The following PTPRD variants were observed in gnomAD, a reference collection of about 807,000 sequenced individuals.
The protein encoded by PTPRD is receptor-type tyrosine-protein phosphatase delta.
PTPRD carries 34 observed loss-of-function variants against 214.5 expected under a neutral mutation model. That is an observed-to-expected ratio of 0.16 (90% CI 0.12 to 0.21). The LOEUF (loss-of-function observed/expected upper bound fraction) is 0.21, where lower values mean the gene tolerates loss of function less well. Ranked by LOEUF, PTPRD falls within the 10% of genes least tolerant of loss-of-function variation. The pLI is 1.00. For synonymous variants in PTPRD, 1,128 were observed against 845.7 expected, an observed-to-expected ratio of 1.33 and a Z score of -5.79; for missense variants, 2,545 against 2,398.7, an observed-to-expected ratio of 1.06 and a Z score of -1.27.
At chr9:9,985,109 A>G (rs1256548893) in intron 4 of PTPRD, among the ~76,000 whole-genome samples, 2 of 152,218 alleles carry the variant, frequency 1.3e-5, no homozygotes, top group Non-Finnish European at 2.9e-5. Flanking sequence ...ATCATGAAAT[A>G]ACACTTATGC....
intron 7 of PTPRD, among the ~76,000 whole-genome samples, chr9:9,665,925 A>T (rs1173706837): frequency 6.6e-6 from 1 of 151,922 alleles, no homozygotes; most frequent in East Asian, 1.9e-4. Context: ...TGAATAACCA[A>T]AGAATGTATA....
intron 2 of PTPRD, among the ~76,000 whole-genome samples, chr9:10,346,983 G>A (rs957671062): frequency 6.6e-6 from 1 of 152,064 alleles, no homozygotes; most frequent in Non-Finnish European, 1.5e-5. Context: ...TAAACCAAAT[G>A]TTTAAATACT....
At chr9:9,472,189 C>CTTTTTTTT (rs1220396472) in intron 8 of PTPRD, among the ~76,000 whole-genome samples, 1 of 82,826 alleles carries the variant, frequency 1.2e-5, no homozygotes, top group Non-Finnish European at 2.5e-5. Flanking sequence ...CTACTCCAAT[C>CTTTTTTTT]TTTTTTTTTT....
chr9:8,912,719 A>T (rs529054587), intron 11 of PTPRD, among the ~76,000 whole-genome samples: 30 of 152,330 alleles, frequency 2.0e-4, no homozygotes, highest in East Asian at 3.9e-4. Flanking sequence ...ATAATTTTTT[A>T]AAAAATATAT....
At chr9:9,101,982 CT>C (rs1204451328) in intron 10 of PTPRD, among the ~76,000 whole-genome samples, 1 of 152,102 alleles carries the variant, frequency 6.6e-6, no homozygotes, top group African/African-American at 2.4e-5. Context: ...ACACACACAA[CT>C]TTTTTGGGGC....
In PTPRD at chr9:10,124,080, G is replaced by A. The variant is rs996739543; in HGVS notation, c.-544-90290C>T. Among the ~76,000 whole-genome samples the A allele has an allele frequency of 4.6e-5, 7 of 152,308 alleles. No homozygotes were observed. In the South Asian group the frequency reaches 1.0e-3, roughly 23 times the overall value. Reference sequence around the variant, plus strand: ...TTGAAATGCACCCAAGCTGCATTTAGAGAACTGGCCAGACTTAACTTGAAA... The same window carrying A: ...TTGAAATGCACCCAAGCTGCATTTAAAGAACTGGCCAGACTTAACTTGAAA... On this transcript the variant is annotated intron_variant, in intron 3 of 45. Coordinates refer to ENST00000381196, the MANE Select transcript of PTPRD (RefSeq NM_002839.4).
chr9:9,347,354 G>A (rs528927211), intron 9 of PTPRD, among the ~76,000 whole-genome samples: 10 of 150,318 alleles, frequency 6.7e-5, no homozygotes, highest in African/African-American at 2.4e-4. Context: ...CTATATGCAT[G>A]CATACATATA....
chr9:9,814,229 C>G lies in PTPRD; in HGVS notation c.-367-47378G>C, dbSNP rs2048033495. ...AAGTTGAAAGGTTTTCTTTTAAGAT[C>G]GGGACCAAGACAAATGTGTCTCTCT... On this transcript the variant is annotated intron_variant, in intron 5 of 45. Coordinates refer to ENST00000381196, the MANE Select transcript of PTPRD (RefSeq NM_002839.4). Among the ~76,000 whole-genome samples the G allele has an allele frequency of 2.6e-5, 4 of 151,252 alleles. No individual in the cohort carries two copies. In the South Asian group the frequency reaches 8.3e-4, roughly 32 times the overall value.
intron 3 of PTPRD, among the ~76,000 whole-genome samples, chr9:10,217,363 C>G (rs1400867221): frequency 1.3e-5 from 2 of 151,618 alleles, no homozygotes; most frequent in Admixed American, 1.3e-4. Context: ...AATTAGAAAC[C>G]CAACTCAGCC....
At chr9:10,603,259 G>A (rs892992713) in intron 2 of PTPRD, among the ~76,000 whole-genome samples, 1 of 151,784 alleles carries the variant, frequency 6.6e-6, no homozygotes, top group Non-Finnish European at 1.5e-5. Flanking sequence ...TTTGTGCCAC[G>A]CTTAACTCTC....
At chr9:10,109,037 G>C (rs920364476) in intron 3 of PTPRD, among the ~76,000 whole-genome samples, 1 of 152,028 alleles carries the variant, frequency 6.6e-6, no homozygotes, top group Non-Finnish European at 1.5e-5. Context: ...AATGAGGTAA[G>C]GCACTAAAAC....
intron 2 of PTPRD, among the ~76,000 whole-genome samples, chr9:10,544,872 T>C (rs1158031260): frequency 1.3e-5 from 2 of 152,202 alleles, no homozygotes; most frequent in Admixed American, 6.5e-5. Flanking sequence ...AATAGGGAAA[T>C]GTTCCTCAAA....
At position 8,317,934 on chromosome 9, in the gene PTPRD, A is replaced by G. The variant is rs1587216139; in HGVS notation, c.5679T>C (p.Tyr1893=). 2 of 1,612,006 alleles carry G rather than the reference A, an allele frequency of 1.2e-6. No homozygotes were observed. The highest frequency in any genetic ancestry group is 1.3e-5 in the African/African-American group (1 of 74,874). The change falls in exon 46 of 46, where the codon TAT becomes TAC. Residue 1893 remains tyrosine (Y), a synonymous_variant. Coordinates refer to ENST00000381196, the MANE Select transcript of PTPRD (RefSeq NM_002839.4). ...RPAMVQTEDQ[Y]QFSYRAALEY... ...CTAGTGCGGCACGATAGGAAAACTGATATTGATCCTGCAGGAGACAATGAA... is the reference window on the plus strand; with the variant it reads ...CTAGTGCGGCACGATAGGAAAACTGGTATTGATCCTGCAGGAGACAATGAA...
chr9:9,581,164 C>G (rs925227363), intron 7 of PTPRD, among the ~76,000 whole-genome samples: 1 of 152,126 alleles, frequency 6.6e-6, no homozygotes, highest in Non-Finnish European at 1.5e-5. Context: ...TCTAGTCTTA[C>G]AACTCTAATA....
At chr9:10,492,826 A>G (rs2040779531) in intron 2 of PTPRD, among the ~76,000 whole-genome samples, 1 of 152,080 alleles carries the variant, frequency 6.6e-6, no homozygotes, top group South Asian at 2.1e-4. Flanking sequence ...ACTTTCTTTC[A>G]GGGTTTTTAT....
chr9:10,096,158 G>A (rs1244837402), intron 3 of PTPRD, among the ~76,000 whole-genome samples: 1 of 151,564 alleles, frequency 6.6e-6, no homozygotes, highest in East Asian at 1.9e-4. Context: ...AGGCAATAAT[G>A]TTATTTCTTC....
At chr9:9,003,038 C>G (rs186637923) in intron 11 of PTPRD, among the ~76,000 whole-genome samples, 34 of 152,128 alleles carry the variant, frequency 2.2e-4, no homozygotes, top group African/African-American at 6.5e-4. Flanking sequence ...GCTTTTAATG[C>G]CTGGAGAGCT....
At chr9:8,853,699 T>C (rs2097860283) in intron 11 of PTPRD, among the ~76,000 whole-genome samples, 1 of 152,206 alleles carries the variant, frequency 6.6e-6, no homozygotes, top group South Asian at 2.1e-4. Flanking sequence ...ACATAGGAAT[T>C]CTCAATCTTG....
At chr9:10,192,104 C>T (rs929713932) in intron 3 of PTPRD, among the ~76,000 whole-genome samples, 2 of 152,098 alleles carry the variant, frequency 1.3e-5, no homozygotes, top group African/African-American at 2.4e-5. Context: ...CATAACTGAA[C>T]CTTTTGTGAA....
Sources: gnomAD v4.1 joint callset for allele counts (sites outside exome capture counted in the v4.1 genomes callset) on GRCh38, gnomAD v4.1.1 for gene constraint, MANE v1.5 for transcripts, NCBI Gene and HGNC (gene_info 2026-07-23, HGNC 2026-07-21) for gene names.